The following VPS13D variants were observed in gnomAD, a reference collection of about 807,000 sequenced individuals.
VPS13D encodes intermembrane lipid transfer protein VPS13D.
In VPS13D, 187 loss-of-function variants were observed where a neutral mutation model predicts 461.9. That is an observed-to-expected ratio of 0.40 (90% CI 0.36 to 0.46). The LOEUF (loss-of-function observed/expected upper bound fraction) is 0.46, where lower values mean the gene tolerates loss of function less well. VPS13D is among the 20% of genes least tolerant of loss of function. VPS13D has a pLI of 0.60. For synonymous variants in VPS13D, 1,951 were observed against 1,986.3 expected (o/e 0.98, Z 0.47); for missense variants, 4,711 against 5,364.9 (o/e 0.88, Z 3.81).
At chr1:12,508,443 T>C (rs1302383082) in intron 69 of VPS13D, among the ~76,000 whole-genome samples, 2 of 151,008 alleles carry the variant, frequency 1.3e-5, no homozygotes, top group Admixed American at 6.6e-5. Flanking sequence ...CAGTGGCTCA[T>C]GCCTGTAATC....
chr1:12,249,138 T>A, intron 5 of VPS13D, 85 bp from the exon 6 acceptor site: 1 of 1,126,768 alleles, frequency 8.9e-7, no homozygotes. Context: ...CCTACAGCAG[T>A]TATCTAAATG....
At position 12,358,466 on chromosome 1, in the gene VPS13D, A is replaced by ATGAGAATC; in HGVS notation, c.10007_10014dup (p.Gly3339Ter). On this transcript the variant is annotated frameshift_variant, in exon 50 of 70. Transcript: ENST00000620676. LOFTEE classifies it high-confidence loss of function. ...TGCTTTTCTGCCCCACAGCTGCACGATGAGAATCGGAAGGGGGATTCATCC... is the reference window on the plus strand; with the variant it reads ...TGCTTTTCTGCCCCACAGCTGCACGATGAGAATCTGAGAATCGGAAGGGGGATTCATCC... 6.2e-7 allele frequency: 1 copy of ATGAGAATC among 1,614,138 alleles called. No individual in the cohort carries two copies. The highest frequency in any genetic ancestry group is 8.5e-7 in the Non-Finnish European group (1 of 1,180,010).
chr1:12,486,328 T>C (rs1400768483), intron 67 of VPS13D, among the ~76,000 whole-genome samples: 12 of 152,236 alleles, frequency 7.9e-5, no homozygotes, highest in Admixed American at 7.9e-4. Flanking sequence ...TGTCTAGTTC[T>C]AAAGAACTTA....
intron 22 of VPS13D, among the ~76,000 whole-genome samples, chr1:12,290,202 A>G (rs757762010): frequency 6.6e-6 from 1 of 152,192 alleles, no homozygotes; most frequent in Non-Finnish European, 1.5e-5. Context: ...AGTAGTTTCA[A>G]ATCTGTGTCT....
intron 64 of VPS13D, among the ~76,000 whole-genome samples, chr1:12,416,043 G>A (rs1282901512): frequency 6.6e-6 from 1 of 152,156 alleles, no homozygotes; most frequent in Non-Finnish European, 1.5e-5. Flanking sequence ...AAGATTAGCT[G>A]GTTGTAGAGG....
chr1:12,253,022 G>A (rs990579655), intron 6 of VPS13D, among the ~76,000 whole-genome samples: 6 of 151,784 alleles, frequency 4.0e-5, no homozygotes, highest in Non-Finnish European at 7.4e-5. Context: ...GCCGGGCATG[G>A]TGATGCATGC....
In VPS13D at chr1:12,256,491, G is replaced by A. The variant is rs370671308; in HGVS notation, c.828G>A (p.Leu276=). The stretch of plus-strand genomic sequence containing the variant: ...ATATTCAGCTGGAGACCATTCCCTT[G>A]AAACTCTCTCAGGTATGCCCTTTCT... ...DCDIQLETIP[L]KLSQLQYRQI... The change falls in exon 8 of 70, where the codon TTG becomes TTA. Residue 276 remains leucine (L), a synonymous_variant. Coordinates refer to ENST00000620676, the MANE Select transcript of VPS13D (RefSeq NM_015378.4). 1.2e-5 allele frequency: 20 copies of A among 1,613,894 alleles called. No homozygotes were observed. In the East Asian group the frequency reaches 1.6e-4, roughly 13 times the overall value.
intron 26 of VPS13D, among the ~76,000 whole-genome samples, chr1:12,306,866 A>G (rs1050111225): frequency 1.3e-5 from 2 of 152,180 alleles, no homozygotes; most frequent in Non-Finnish European, 2.9e-5. Context: ...GGCAATTCCC[A>G]ATAGGGTTTG....
At chr1:12,385,141 C>A (rs375229613) in intron 58 of VPS13D, 119 bp from the exon 59 acceptor site, 1 of 769,722 alleles carries the variant, frequency 1.3e-6, no homozygotes, top group Non-Finnish European at 2.1e-6. Context: ...GGAAACCATT[C>A]GCTTCCATAG....
intron 21 of VPS13D, among the ~76,000 whole-genome samples, chr1:12,286,745 G>A (rs1435054866): frequency 6.6e-6 from 1 of 152,236 alleles, no homozygotes; most frequent in Non-Finnish European, 1.5e-5. Context: ...ACTAAGATTC[G>A]TGGGAAGAGC....
chr1:12,308,427 G>A lies in VPS13D; in HGVS notation c.6440-4G>A. On this transcript the variant is annotated splice_polypyrimidine_tract_variant and splice_region_variant and intron_variant, in intron 26 of 69. Coordinates refer to ENST00000620676, the MANE Select transcript of VPS13D (RefSeq NM_015378.4). ...ATTACCTCTCTTTCCTTGGGTCCTTGTAGAAGACCATGTCTGCCTGCTGGA... is the reference window on the plus strand; with the variant it reads ...ATTACCTCTCTTTCCTTGGGTCCTTATAGAAGACCATGTCTGCCTGCTGGA... 6.2e-7 allele frequency: 1 copy of A among 1,614,078 alleles called. No individual in the cohort carries two copies. The highest frequency in any genetic ancestry group is 8.5e-7 in the Non-Finnish European group (1 of 1,180,012).
intron 65 of VPS13D, among the ~76,000 whole-genome samples, chr1:12,429,495 G>T (rs1171246978): frequency 6.6e-6 from 1 of 152,142 alleles, no homozygotes; most frequent in Non-Finnish European, 1.5e-5. Context: ...GTTTCGCCAT[G>T]TTGGCCAGCT....
At chr1:12,404,783 G>T (rs1644628999) in intron 63 of VPS13D, among the ~76,000 whole-genome samples, 1 of 152,146 alleles carries the variant, frequency 6.6e-6, no homozygotes, top group African/African-American at 2.4e-5. Context: ...GTCAGTCAAG[G>T]CTGTGTGGCT....
chr1:12,441,440 C>T (rs971717177), intron 65 of VPS13D, among the ~76,000 whole-genome samples: 2 of 152,146 alleles, frequency 1.3e-5, no homozygotes, highest in Non-Finnish European at 2.9e-5. Flanking sequence ...GCACCCCAAC[C>T]AGCCTTGTGA....
intron 57 of VPS13D, 36 bp downstream of exon 57, chr1:12,379,632 T>C (rs1300983607): frequency 6.6e-7 from 1 of 1,513,386 alleles, no homozygotes; most frequent in East Asian, 2.3e-5. Context: ...CAGCAAGCAG[T>C]GGTTGAGCCT....
chr1:12,504,641 C>T lies in VPS13D; in HGVS notation c.12795-2212C>T, dbSNP rs137942621. On this transcript the variant is annotated intron_variant, in intron 68 of 69. Transcript: ENST00000620676. ...ACTCGGCCAGAGTCAGCCAGCGGGC[C>T]GGGCTTTCCTGCCAGCTCGGCCTGT... 3.0e-3 allele frequency among the ~76,000 whole-genome samples: 459 copies of T among 152,322 alleles called. 2 individuals carry two copies. Among genetic ancestry groups the T allele is most frequent in the Non-Finnish European group, 5.1e-3 (344 of 68,036 alleles).
rs770278923 is a variant in VPS13D, at chr1:12,308,541, G to A, written c.6550G>A (p.Gly2184Arg). 1.2e-6 allele frequency: 2 copies of A among 1,614,084 alleles called. No individual in the cohort carries two copies. Among genetic ancestry groups the A allele is most frequent in the South Asian group, 1.1e-5 (1 of 91,076 alleles). ...CTCGAAGGCACCAGAGGATAGTAGT[G>A]GAGATCTGATCTTCCCTTCCTATTT... is the stretch of plus-strand genomic sequence containing the variant. ...EYSKAPEDSS[G>R]DLIFPSYFVR... Residue 2184 changes from glycine (G) to arginine (R), a missense_variant, in exon 27 of 70, where the codon GGA (glycine) becomes AGA (arginine). Physicochemically the swap from Gly to Arg is moderately radical, Grantham distance 125 (BLOSUM62 -2). Coordinates refer to ENST00000620676, the MANE Select transcript of VPS13D (RefSeq NM_015378.4).
At chr1:12,238,360 C>T (rs12411279) in intron 2 of VPS13D, among the ~76,000 whole-genome samples, 6,946 of 150,622 alleles carry the variant, frequency 0.046, 235 homozygotes, top group South Asian at 0.099. Flanking sequence ...ATCCCTTGGT[C>T]CCAAGAGTTT....
intron 16 of VPS13D, among the ~76,000 whole-genome samples, chr1:12,270,194 C>G (rs1015039904): frequency 6.6e-6 from 1 of 151,736 alleles, no homozygotes; most frequent in Admixed American, 6.6e-5. Context: ...TGGTGATTCA[C>G]ACCTGTAATC....
Sources: gnomAD v4.1 joint callset for allele counts (sites outside exome capture counted in the v4.1 genomes callset) on GRCh38, gnomAD v4.1.1 for gene constraint, MANE v1.5 for transcripts, NCBI Gene and HGNC (gene_info 2026-07-23, HGNC 2026-07-21) for gene names.